The following ANTXR1 variants were observed in gnomAD, a reference collection of about 807,000 sequenced individuals.
ANTXR1 encodes the protein anthrax toxin receptor 1.
A neutral mutation model predicts 78.1 loss-of-function variants in ANTXR1; 19 were observed. The ratio of observed to expected loss-of-function variants is 0.24; its 90% CI spans 0.17 to 0.36. ANTXR1 has a LOEUF of 0.36. Among genes scored for constraint, ANTXR1 ranks in the 10% least tolerant of loss-of-function variants. The probability of loss-of-function intolerance (pLI) is 1.00; values close to 1 mark genes in which losing one functional copy is unlikely to be tolerated. For missense variants in ANTXR1, 518 were observed against 718.6 expected, an observed-to-expected ratio of 0.72 and a Z score of 3.19; for synonymous variants, 273 against 260.5, an observed-to-expected ratio of 1.05 and a Z score of -0.46.
At chr2:69,166,799 G>A (rs1673837693) in intron 13 of ANTXR1, among the ~76,000 whole-genome samples, 9 of 152,212 alleles carry the variant, frequency 5.9e-5, no homozygotes, top group Admixed American at 5.9e-4. Context: ...CCAAGCCTGA[G>A]CTTGGAAGCT....
At chr2:69,214,315 A>G (rs1446714855) in intron 17 of ANTXR1, among the ~76,000 whole-genome samples, 3 of 152,238 alleles carry the variant, frequency 2.0e-5, no homozygotes, top group African/African-American at 7.2e-5. Flanking sequence ...GACAAGTGAC[A>G]TGATCAAAAC....
chr2:69,120,214 T>C (rs1672295644), intron 10 of ANTXR1, among the ~76,000 whole-genome samples: 1 of 152,204 alleles, frequency 6.6e-6, no homozygotes, highest in Admixed American at 6.5e-5. Context: ...TATTTAATAT[T>C]ATACTGAAAG....
At chr2:69,127,835 A>T (rs2104389019) in intron 12 of ANTXR1, among the ~76,000 whole-genome samples, 1 of 152,320 alleles carries the variant, frequency 6.6e-6, no homozygotes, top group African/African-American at 2.4e-5. Flanking sequence ...ATCAGCTGCC[A>T]GACAGGAAGA....
intron 13 of ANTXR1, among the ~76,000 whole-genome samples, chr2:69,161,697 GTT>G (rs1284332267): frequency 6.6e-6 from 1 of 152,200 alleles, no homozygotes; most frequent in Non-Finnish European, 1.5e-5. Context: ...TACTTACAAG[GTT>G]TGGGAGCCAG....
intron 17 of ANTXR1, 140 bp downstream of exon 17, chr2:69,193,555 A>G (rs1674596557): frequency 1.3e-6 from 1 of 748,318 alleles, no homozygotes; most frequent in South Asian, 1.5e-5. Flanking sequence ...ACAGAGCTAG[A>G]ATAACTCCAG....
intron 16 of ANTXR1, among the ~76,000 whole-genome samples, chr2:69,185,863 AG>A (rs1674404827): frequency 6.6e-6 from 1 of 152,224 alleles, no homozygotes; most frequent in African/African-American, 2.4e-5. Flanking sequence ...GCTCCTCGGC[AG>A]GACTCCCTCG....
intron 4 of ANTXR1, among the ~76,000 whole-genome samples, chr2:69,071,186 A>G (rs1441525920): frequency 2.0e-5 from 3 of 152,226 alleles, no homozygotes; most frequent in Non-Finnish European, 4.4e-5. Context: ...GTTGACAACT[A>G]CAGTCATCTA....
At chr2:69,160,026 A>G (rs1439823259) in intron 13 of ANTXR1, among the ~76,000 whole-genome samples, 1 of 152,258 alleles carries the variant, frequency 6.6e-6, no homozygotes, top group East Asian at 1.9e-4. Context: ...ACAGTTTAAT[A>G]AAAACACAAC....
intron 13 of ANTXR1, among the ~76,000 whole-genome samples, chr2:69,165,229 G>A (rs1316590024): frequency 1.3e-5 from 2 of 152,226 alleles, no homozygotes; most frequent in Non-Finnish European, 2.9e-5. Flanking sequence ...GGAGTTATCT[G>A]AAGCAGCTCT....
At chr2:69,074,080 G>A (rs62135632) in intron 6 of ANTXR1, among the ~76,000 whole-genome samples, 3,534 of 152,280 alleles carry the variant, frequency 0.023, 67 homozygotes, top group Non-Finnish European at 0.031. Context: ...AGGCACAGAG[G>A]TGAGTGAGAT....
At chr2:69,145,240 G>A (rs576935451) in intron 12 of ANTXR1, 37 of 1,378,264 alleles carry the variant, frequency 2.7e-5, no homozygotes, top group Non-Finnish European at 3.7e-5. Flanking sequence ...ACCCTCACTT[G>A]CATGGGTCCC....
At chr2:69,164,044 T>A (rs1225273095) in intron 13 of ANTXR1, among the ~76,000 whole-genome samples, 1 of 152,224 alleles carries the variant, frequency 6.6e-6, no homozygotes. Context: ...ATATCTGTGT[T>A]GGAACAAAAC....
chr2:69,059,425 G>T (rs904592396), intron 3 of ANTXR1, among the ~76,000 whole-genome samples: 55 of 152,006 alleles, frequency 3.6e-4, no homozygotes, highest in African/African-American at 1.3e-3. Context: ...TTCACTGAAG[G>T]CTCAGATGAT....
At chr2:69,021,895 G>A (rs1024822941) in intron 1 of ANTXR1, among the ~76,000 whole-genome samples, 23 of 152,162 alleles carry the variant, frequency 1.5e-4, no homozygotes, top group African/African-American at 5.1e-4. Flanking sequence ...ACTGTCAGAC[G>A]TGATGTTTCA....
In ANTXR1 at chr2:69,248,224, T is replaced by A. The variant is rs1676065117; in HGVS notation, c.*2739T>A. On this transcript the variant is annotated 3_prime_UTR_variant, in exon 18 of 18. Coordinates refer to ENST00000303714, the MANE Select transcript of ANTXR1 (RefSeq NM_032208.3). ...TCCTTTTGAACTGTTTTTTTTTTTA[T>A]TAAAGCCAAATTTGTGTTGTATATA... The A allele has an allele frequency of 6.0e-6, 1 of 166,694 alleles. No individual in the cohort carries two copies. Among genetic ancestry groups the A allele is most frequent in the Non-Finnish European group, 1.5e-5 (1 of 68,034 alleles). 10.3% of individuals were successfully genotyped at this position (166,694 alleles called of 1,614,324 possible). A position where few individuals can be genotyped will look rare whatever the true frequency, so the allele number is the denominator to read the frequency against.
intron 17 of ANTXR1, among the ~76,000 whole-genome samples, chr2:69,195,355 G>A (rs1312464235): frequency 6.6e-6 from 1 of 152,124 alleles, no homozygotes; most frequent in African/African-American, 2.4e-5. Flanking sequence ...GAACACTAGA[G>A]CAGAGCCCAA....
intron 3 of ANTXR1, among the ~76,000 whole-genome samples, chr2:69,055,427 T>A (rs1670039181): frequency 6.6e-6 from 1 of 152,156 alleles, no homozygotes. Context: ...TTAAGGGGTC[T>A]CCATGTTGGT....
intron 3 of ANTXR1, among the ~76,000 whole-genome samples, chr2:69,047,774 G>C (rs2104103707): frequency 6.6e-6 from 1 of 152,196 alleles, no homozygotes; most frequent in South Asian, 2.1e-4. Flanking sequence ...AGGTGATATA[G>C]GCAGTAGCAA....
intron 3 of ANTXR1, among the ~76,000 whole-genome samples, chr2:69,060,820 A>G (rs6737425): frequency 0.051 from 7,714 of 152,272 alleles, 608 homozygotes; most frequent in African/African-American, 0.17. Flanking sequence ...CAACTTTAAA[A>G]TGAGATTTTT....
Sources: gnomAD v4.1 joint callset for allele counts (sites outside exome capture counted in the v4.1 genomes callset) on GRCh38, gnomAD v4.1.1 for gene constraint, MANE v1.5 for transcripts, NCBI Gene and HGNC (gene_info 2026-07-23, HGNC 2026-07-21) for gene names.